RIT2: variants seen among roughly 807,000 people sequenced by gnomAD.
RIT2 encodes the protein Ras like without CAAX 2.
RIT2 carries 24 observed loss-of-function variants against 23.7 expected under a neutral mutation model. The ratio of observed to expected loss-of-function variants is 1.01; its 90% CI spans 0.73 to 1.43. RIT2 has a LOEUF of 1.43. Ranked by LOEUF, RIT2 falls within the 40% of genes most tolerant of loss-of-function variation. RIT2 has a pLI of 0.00. For synonymous variants in RIT2, 107 were observed against 91.1 expected (o/e 1.17, Z -0.99); for missense variants, 236 against 266.9 (o/e 0.88, Z 0.81).
intron 4 of RIT2, among the ~76,000 whole-genome samples, chr18:42,778,684 T>C (rs1348150482): frequency 9.1e-5 from 7 of 77,308 alleles, no homozygotes; most frequent in Non-Finnish European, 1.8e-4. Context: ...ATGATGCCTG[T>C]ATCCTTTCTC....
intron 4 of RIT2, among the ~76,000 whole-genome samples, chr18:42,900,969 T>C (rs569339917): frequency 1.3e-4 from 20 of 151,520 alleles, no homozygotes; most frequent in Non-Finnish European, 2.7e-4. Flanking sequence ...GTTAAAATTT[T>C]ATTTGGCTTT....
At chr18:42,777,285 C>CA (rs71175922) in intron 4 of RIT2, among the ~76,000 whole-genome samples, 379 of 127,954 alleles carry the variant, frequency 3.0e-3, no homozygotes, top group African/African-American at 9.8e-3. Flanking sequence ...GTCTGGACTT[C>CA]AAAAAAAAAA....
intron 3 of RIT2, among the ~76,000 whole-genome samples, chr18:42,961,862 C>A (rs9951372): frequency 0.18 from 27,561 of 152,114 alleles, 2,835 homozygotes; most frequent in African/African-American, 0.26. Flanking sequence ...GGTATTCTCT[C>A]AGAGGAGAGT....
chr18:42,943,209 T>A (rs1909646699), intron 3 of RIT2, among the ~76,000 whole-genome samples: 1 of 152,116 alleles, frequency 6.6e-6, no homozygotes. Flanking sequence ...TTTTTCAATC[T>A]TCCCTGCGAT....
At chr18:43,044,408 T>C (rs927006851) in intron 1 of RIT2, among the ~76,000 whole-genome samples, 1 of 152,194 alleles carries the variant, frequency 6.6e-6, no homozygotes, top group Non-Finnish European at 1.5e-5. Flanking sequence ...TCAGCACTGG[T>C]GGTTTGGTGC....
intron 4 of RIT2, among the ~76,000 whole-genome samples, chr18:42,751,405 T>G (rs1913043043): frequency 6.6e-6 from 1 of 151,864 alleles, no homozygotes. Context: ...TTATAAAATA[T>G]TTCCTAATGG....
At chr18:42,911,771 C>T (rs1156838673) in intron 4 of RIT2, among the ~76,000 whole-genome samples, 1 of 151,944 alleles carries the variant, frequency 6.6e-6, no homozygotes, top group Admixed American at 6.6e-5. Context: ...AGTTCTATAA[C>T]TATTGAATAA....
At chr18:42,951,343 T>C (rs1457990156) in intron 3 of RIT2, among the ~76,000 whole-genome samples, 15 of 151,946 alleles carry the variant, frequency 9.9e-5, no homozygotes, top group Admixed American at 9.8e-4. Context: ...AACCAAACCA[T>C]ATGTTCTCAC....
At chr18:42,846,187 T>G (rs971454671) in intron 4 of RIT2, among the ~76,000 whole-genome samples, 1 of 151,834 alleles carries the variant, frequency 6.6e-6, no homozygotes, top group South Asian at 2.1e-4. Context: ...AAGAAAAAAG[T>G]GGGTGTTAAG....
At chr18:42,977,773 T>C (rs1435668346) in intron 2 of RIT2, among the ~76,000 whole-genome samples, 2 of 149,860 alleles carry the variant, frequency 1.3e-5, no homozygotes, top group Non-Finnish European at 1.5e-5. Flanking sequence ...TTCTTATGAC[T>C]GTGCTCCAGA....
At chr18:43,093,489 T>C (rs1340543514) in intron 1 of RIT2, among the ~76,000 whole-genome samples, 1 of 150,356 alleles carries the variant, frequency 6.7e-6, no homozygotes, top group Non-Finnish European at 1.5e-5. Context: ...ACCTAGTTCT[T>C]TTATTTATTC....
chr18:42,917,707 C>T (rs1908948661), intron 4 of RIT2, among the ~76,000 whole-genome samples: 1 of 152,116 alleles, frequency 6.6e-6, no homozygotes, highest in African/African-American at 2.4e-5. Flanking sequence ...AACTTTTTAG[C>T]TCTACATAAC....
intron 2 of RIT2, among the ~76,000 whole-genome samples, chr18:42,980,921 C>G (rs1220784947): frequency 1.3e-5 from 2 of 152,180 alleles, no homozygotes; most frequent in Non-Finnish European, 2.9e-5. Context: ...AATGACTGCT[C>G]TTCCCCAAAG....
chr18:43,022,123 C>A (rs368782927), intron 2 of RIT2, among the ~76,000 whole-genome samples: 1 of 152,006 alleles, frequency 6.6e-6, no homozygotes, highest in South Asian at 2.1e-4. Context: ...TACTACTTGG[C>A]CATAAAAAAA....
intron 3 of RIT2, among the ~76,000 whole-genome samples, chr18:42,953,878 C>T (rs1039326311): frequency 9.2e-5 from 14 of 152,036 alleles, no homozygotes; most frequent in Non-Finnish European, 2.1e-4. Flanking sequence ...AACTATTATG[C>T]TCGAGGCTGA....
chr18:42,832,334 A>G (rs1386064157), intron 4 of RIT2, among the ~76,000 whole-genome samples: 1 of 152,236 alleles, frequency 6.6e-6, no homozygotes, highest in Non-Finnish European at 1.5e-5. Context: ...ATTTCCAAAT[A>G]ATGTAAATAC....
chr18:42,850,089 G>GTA (rs1229798066), intron 4 of RIT2, among the ~76,000 whole-genome samples: 4 of 151,496 alleles, frequency 2.6e-5, no homozygotes, highest in African/African-American at 4.8e-5. Flanking sequence ...GTGTGTGTGT[G>GTA]TGTGTGTGTG....
intron 4 of RIT2, among the ~76,000 whole-genome samples, chr18:42,882,528 C>A (rs546332982): frequency 6.6e-6 from 1 of 152,278 alleles, no homozygotes; most frequent in Admixed American, 6.5e-5. Flanking sequence ...TACACAAAAT[C>A]TACTGGTTAG....
At chr18:42,856,362 G>A (rs922311591) in intron 4 of RIT2, among the ~76,000 whole-genome samples, 2 of 152,212 alleles carry the variant, frequency 1.3e-5, no homozygotes, top group Non-Finnish European at 2.9e-5. Context: ...CCATCTAGCA[G>A]CATTAGATCA....
Sources: gnomAD v4.1 joint callset for allele counts (sites outside exome capture counted in the v4.1 genomes callset) on GRCh38, gnomAD v4.1.1 for gene constraint, MANE v1.5 for transcripts, NCBI Gene and HGNC (gene_info 2026-07-23, HGNC 2026-07-21) for gene names.